RGS17: variants seen among roughly 807,000 people sequenced by gnomAD.
RGS17 encodes the protein regulator of G protein signaling 17.
RGS17 carries 12 observed loss-of-function variants against 25.5 expected under a neutral mutation model. That is an observed-to-expected ratio of 0.47 (90% CI 0.30 to 0.76). RGS17 has a LOEUF of 0.76. Among genes scored for constraint, RGS17 ranks in the 30% least tolerant of loss-of-function variants. The pLI, the probability that RGS17 is intolerant of heterozygous loss-of-function variation, is 0.07. For synonymous variants in RGS17, 71 were observed against 76.9 expected (o/e 0.92, Z 0.40); for missense variants, 196 against 242.2 (o/e 0.81, Z 1.27).
At chr6:153,100,141 C>T (rs769217987) in intron 1 of RGS17, among the ~76,000 whole-genome samples, 12 of 152,128 alleles carry the variant, frequency 7.9e-5, no homozygotes, top group Non-Finnish European at 2.9e-5. Context: ...ACTACATACC[C>T]TGGGCATTCT....
At chr6:153,055,155 A>G (rs1312344778) in intron 1 of RGS17, among the ~76,000 whole-genome samples, 1 of 152,162 alleles carries the variant, frequency 6.6e-6, no homozygotes, top group African/African-American at 2.4e-5. Flanking sequence ...GCATGCCCTC[A>G]GGTGATCACA....
At chr6:153,109,114 C>T (rs951756746) in intron 1 of RGS17, among the ~76,000 whole-genome samples, 8 of 152,262 alleles carry the variant, frequency 5.3e-5, no homozygotes, top group South Asian at 2.1e-4. Flanking sequence ...AACGATAATA[C>T]AGGAAGTAAA....
chr6:153,029,911 C>T (rs1003266009), intron 2 of RGS17, among the ~76,000 whole-genome samples: 3 of 152,162 alleles, frequency 2.0e-5, no homozygotes, highest in African/African-American at 7.2e-5. Context: ...AGAAGAGACA[C>T]TCCCCCACTG....
chr6:153,116,904 T>C (rs1777555046), intron 1 of RGS17, among the ~76,000 whole-genome samples: 2 of 151,912 alleles, frequency 1.3e-5, no homozygotes, highest in African/African-American at 4.8e-5. Context: ...AAGTGGAACA[T>C]CACACACCAA....
intron 1 of RGS17, among the ~76,000 whole-genome samples, chr6:153,082,027 T>C (rs1302852773): frequency 6.6e-6 from 1 of 152,188 alleles, no homozygotes; most frequent in African/African-American, 2.4e-5. Flanking sequence ...TTCCTGGTTG[T>C]TTCTTTCAGC....
chr6:153,084,731 T>C (rs148856490), intron 1 of RGS17, among the ~76,000 whole-genome samples: 1 of 152,322 alleles, frequency 6.6e-6, no homozygotes, highest in Non-Finnish European at 1.5e-5. Context: ...GGACGTTTTG[T>C]AAGCACTGTC....
At chr6:153,039,675 G>C (rs890655415) in intron 2 of RGS17, among the ~76,000 whole-genome samples, 3 of 152,200 alleles carry the variant, frequency 2.0e-5, no homozygotes, top group African/African-American at 7.2e-5. Flanking sequence ...TGTTGCAAGA[G>C]AGTTCGTAGG....
At chr6:153,076,599 C>T (rs1261074735) in intron 1 of RGS17, among the ~76,000 whole-genome samples, 1 of 152,076 alleles carries the variant, frequency 6.6e-6, no homozygotes, top group Non-Finnish European at 1.5e-5. Flanking sequence ...CTAAGGTGAG[C>T]CAAGGGCATC....
At chr6:153,046,062 A>AT (rs1420347099) in intron 1 of RGS17, among the ~76,000 whole-genome samples, 3 of 152,222 alleles carry the variant, frequency 2.0e-5, no homozygotes, top group Non-Finnish European at 4.4e-5. Flanking sequence ...GAACTGGAAG[A>AT]TATTATATTA....
chr6:153,100,746 T>G (rs536918837), intron 1 of RGS17, among the ~76,000 whole-genome samples: 36 of 152,182 alleles, frequency 2.4e-4, no homozygotes, highest in Admixed American at 1.3e-3. Flanking sequence ...TATTTTAAAT[T>G]TGGCTTAAAG....
chr6:153,077,345 G>GGA (rs397803129), intron 1 of RGS17, among the ~76,000 whole-genome samples: 1 of 151,790 alleles, frequency 6.6e-6, no homozygotes, highest in African/African-American at 2.4e-5. Context: ...TCCTGCATGG[G>GGA]AAAAAAATAG....
intron 1 of RGS17, among the ~76,000 whole-genome samples, chr6:153,058,704 A>C (rs147405750): frequency 6.6e-6 from 1 of 152,278 alleles, no homozygotes; most frequent in African/African-American, 2.4e-5. Flanking sequence ...GTTGTGACGA[A>C]TTTTTCCTGT....
chr6:153,038,489 G>A (rs545829982), intron 2 of RGS17, among the ~76,000 whole-genome samples: 1 of 152,328 alleles, frequency 6.6e-6, no homozygotes, highest in South Asian at 2.1e-4. Flanking sequence ...TGATATGTAT[G>A]ATGGTCTGTT....
At chr6:153,093,097 C>A (rs1274634375) in intron 1 of RGS17, among the ~76,000 whole-genome samples, 2 of 152,172 alleles carry the variant, frequency 1.3e-5, no homozygotes, top group African/African-American at 4.8e-5. Flanking sequence ...GTATTATGTA[C>A]TTGAAACATT....
chr6:153,122,061 T>C (rs546320905), intron 1 of RGS17, among the ~76,000 whole-genome samples: 1 of 152,188 alleles, frequency 6.6e-6, no homozygotes, highest in South Asian at 2.1e-4. Flanking sequence ...AATGATATTA[T>C]ACTTTAAGAT....
chr6:153,075,918 C>T lies in RGS17; in HGVS notation c.-25-31875G>A, dbSNP rs112002626. On this transcript the variant is annotated intron_variant, in intron 1 of 4. Coordinates refer to ENST00000206262, the MANE Select transcript of RGS17 (RefSeq NM_012419.5). ...AAACAATGACACATAGGGGACAAAC[C>T]GATGGTAATAGTGCTTATTTACAGT... 7.5e-3 allele frequency among the ~76,000 whole-genome samples: 1,144 copies of T among 152,152 alleles called. 13 individuals carry two copies. The highest frequency in any genetic ancestry group is 0.026 in the African/African-American group (1,088 of 41,516).
At chr6:153,061,442 A>G (rs1464035846) in intron 1 of RGS17, among the ~76,000 whole-genome samples, 1 of 152,260 alleles carries the variant, frequency 6.6e-6, no homozygotes, top group African/African-American at 2.4e-5. Flanking sequence ...GAGAGCAGAC[A>G]TGCTCAATAT....
intron 1 of RGS17, among the ~76,000 whole-genome samples, chr6:153,060,827 C>T (rs1584139392): frequency 6.6e-6 from 1 of 151,762 alleles, no homozygotes; most frequent in Admixed American, 6.6e-5. Context: ...ATTTAAAAAC[C>T]CATTATGAAA....
chr6:153,090,891 G>A (rs537305401), intron 1 of RGS17, among the ~76,000 whole-genome samples: 2 of 152,090 alleles, frequency 1.3e-5, no homozygotes, highest in East Asian at 3.9e-4. Flanking sequence ...GTGTCCACAG[G>A]GGTCTTGGAA....
Sources: gnomAD v4.1 joint callset for allele counts (sites outside exome capture counted in the v4.1 genomes callset) on GRCh38, gnomAD v4.1.1 for gene constraint, MANE v1.5 for transcripts, NCBI Gene and HGNC (gene_info 2026-07-23, HGNC 2026-07-21) for gene names.